BMPR1A: variants seen among roughly 807,000 people sequenced by gnomAD.
BMPR1A encodes the protein bone morphogenetic protein receptor type 1A, also known as bone morphogenetic protein receptor type-1A.
BMPR1A carries 7 observed loss-of-function variants against 66.0 expected under a neutral mutation model. The ratio of observed to expected loss-of-function variants is 0.11; its 90% confidence interval spans 0.06 to 0.20. The LOEUF (loss-of-function observed/expected upper bound fraction) is 0.20, where lower values mean the gene tolerates loss of function less well. Ranked by LOEUF, BMPR1A falls within the 10% of genes least tolerant of loss-of-function variation. The pLI is 1.00. For missense variants in BMPR1A, 408 were observed against 669.1 expected, an observed-to-expected ratio of 0.61 and a Z score of 4.31; for synonymous variants, 200 against 229.7, an observed-to-expected ratio of 0.87 and a Z score of 1.17.
chr10:86,860,886 G>C (rs1046199380), intron 2 of BMPR1A, among the ~76,000 whole-genome samples: 2 of 145,122 alleles, frequency 1.4e-5, no homozygotes, highest in Admixed American at 6.9e-5. Context: ...CTGCCGCCCA[G>C]GCTGGAGTGC....
intron 1 of BMPR1A, among the ~76,000 whole-genome samples, chr10:86,769,402 G>C (rs1267759611): frequency 6.6e-6 from 1 of 152,182 alleles, no homozygotes; most frequent in Non-Finnish European, 1.5e-5. Context: ...CTTCAGCGTG[G>C]ACAACATAGC....
intron 2 of BMPR1A, among the ~76,000 whole-genome samples, chr10:86,874,440 C>CT (rs1842893235): frequency 6.6e-6 from 1 of 152,146 alleles, no homozygotes; most frequent in South Asian, 2.1e-4. Context: ...GTGTCTCACT[C>CT]TGTCACCCAG....
intron 7 of BMPR1A, 69 bp from the exon 8 acceptor site, chr10:86,912,171 C>T (rs1843499485): frequency 6.5e-7 from 1 of 1,547,332 alleles, no homozygotes; most frequent in Non-Finnish European, 8.9e-7. Flanking sequence ...TATAGAGAAC[C>T]TCAAGGTTTT....
At chr10:86,806,421 A>G (rs1841889931) in intron 1 of BMPR1A, among the ~76,000 whole-genome samples, 1 of 152,200 alleles carries the variant, frequency 6.6e-6, no homozygotes, top group Non-Finnish European at 1.5e-5. Flanking sequence ...TTCCACTTTC[A>G]TCACTAGTTC....
rs142965096 is a variant in BMPR1A, at chr10:86,900,086, A to G, written c.490A>G (p.Ile164Val). The change falls in exon 7 of 13, where the codon ATA becomes GTA. Residue 164 changes from isoleucine (I) to valine (V), a missense_variant. This residue lies in a region of BMPR1A where 174 missense variants were observed against 265.1 expected (regional missense o/e 0.66). Coordinates refer to ENST00000372037, the MANE Select transcript of BMPR1A (RefSeq NM_004329.3). ...LVLLISMAVC[I>V]IAMIIFSSCF... is the part of the protein sequence containing the mutation. ...TTTGCTCATTTCTATGGCTGTCTGC[A>G]TAATTGCTATGATCATCTTCTCCAG... is the stretch of plus-strand genomic sequence containing the variant. 7 of 1,614,082 alleles carry G rather than the reference A, an allele frequency of 4.3e-6. No homozygotes were observed. The highest frequency in any genetic ancestry group is 2.2e-5 in the South Asian group (2 of 91,084).
At chr10:86,805,377 T>TTC (rs371862771) in intron 1 of BMPR1A, among the ~76,000 whole-genome samples, 1 of 142,984 alleles carries the variant, frequency 7.0e-6, no homozygotes, top group African/African-American at 2.6e-5. Flanking sequence ...CTCCTACCTG[T>TTC]ACACACACAC....
chr10:86,821,026 G>A (rs1288018698), intron 1 of BMPR1A, among the ~76,000 whole-genome samples: 4 of 152,052 alleles, frequency 2.6e-5, no homozygotes, highest in African/African-American at 9.7e-5. Context: ...CATTTCCATC[G>A]CTCTCTTTTT....
intron 3 of BMPR1A, among the ~76,000 whole-genome samples, chr10:86,886,068 G>T (rs936599401): frequency 2.9e-4 from 44 of 152,140 alleles, no homozygotes; most frequent in African/African-American, 9.4e-4. Flanking sequence ...TTTTGTGTGT[G>T]TTTGTTTTGA....
At chr10:86,864,492 G>C (rs1312667635) in intron 2 of BMPR1A, among the ~76,000 whole-genome samples, 4 of 152,258 alleles carry the variant, frequency 2.6e-5, no homozygotes, top group African/African-American at 9.6e-5. Context: ...TGACTCTTCA[G>C]CTGCAGTTGT....
chr10:86,822,533 C>G (rs1443476060), intron 1 of BMPR1A, among the ~76,000 whole-genome samples: 2 of 152,174 alleles, frequency 1.3e-5, no homozygotes, highest in African/African-American at 2.4e-5. Flanking sequence ...TCTGGCTGAT[C>G]TGGGTTTAAA....
intron 1 of BMPR1A, among the ~76,000 whole-genome samples, chr10:86,825,623 C>T (rs1220720763): frequency 1.3e-5 from 2 of 152,006 alleles, no homozygotes; most frequent in Admixed American, 6.6e-5. Flanking sequence ...ACTGCAGGCA[C>T]GTGCCACCAT....
chr10:86,879,801 A>G (rs1235798178), intron 3 of BMPR1A, among the ~76,000 whole-genome samples: 1 of 152,226 alleles, frequency 6.6e-6, no homozygotes, highest in African/African-American at 2.4e-5. Flanking sequence ...TCCAGTATCC[A>G]GTGATAAAGA....
At chr10:86,774,951 G>C (rs1338542852) in intron 1 of BMPR1A, among the ~76,000 whole-genome samples, 1 of 152,222 alleles carries the variant, frequency 6.6e-6, no homozygotes, top group Non-Finnish European at 1.5e-5. Flanking sequence ...CCTGGGGCGT[G>C]TAGCAAACCC....
At chr10:86,833,012 A>C (rs1228564348) in intron 1 of BMPR1A, among the ~76,000 whole-genome samples, 3 of 152,286 alleles carry the variant, frequency 2.0e-5, no homozygotes, top group African/African-American at 7.2e-5. Flanking sequence ...CGGGAGACTG[A>C]GGCGGGAGGA....
chr10:86,871,270 A>T (rs1459596278), intron 2 of BMPR1A, among the ~76,000 whole-genome samples: 1 of 152,052 alleles, frequency 6.6e-6, no homozygotes. Flanking sequence ...TGCACTTATC[A>T]TGAGTTATGA....
At chr10:86,888,784 A>T (rs1843105322) in intron 3 of BMPR1A, among the ~76,000 whole-genome samples, 1 of 150,404 alleles carries the variant, frequency 6.6e-6, no homozygotes, top group Non-Finnish European at 1.5e-5. Flanking sequence ...CTCTGATCAC[A>T]TCACTGTACT....
At chr10:86,756,137 A>G (rs1233097196), upstream of BMPR1A, 1 of 152,132 alleles carries the variant, frequency 6.6e-6, no homozygotes, top group Admixed American at 6.5e-5. Context: ...GTCCACGCGA[A>G]AGAGCCCGCG....
At chr10:86,784,312 G>A (rs1179021856) in intron 1 of BMPR1A, among the ~76,000 whole-genome samples, 9 of 152,072 alleles carry the variant, frequency 5.9e-5, no homozygotes, top group Admixed American at 5.9e-4. Flanking sequence ...TATCATGAAA[G>A]GTGTTGAATT....
chr10:86,852,807 C>G (rs953992781), intron 2 of BMPR1A, among the ~76,000 whole-genome samples: 4 of 152,074 alleles, frequency 2.6e-5, no homozygotes, highest in Non-Finnish European at 5.9e-5. Context: ...TTAATCTTCA[C>G]AAAGCCATAT....
Sources: gnomAD v4.1 joint callset for allele counts (sites outside exome capture counted in the v4.1 genomes callset) on GRCh38, gnomAD v4.1.1 for gene constraint, gnomAD v4.1.1 regional missense constraint, MANE v1.5 for transcripts, NCBI Gene and HGNC (gene_info 2026-07-23, HGNC 2026-07-21) for gene names.